DLC1: variants seen among roughly 807,000 people sequenced by gnomAD.
DLC1 encodes rho GTPase-activating protein 7.
In DLC1, 54 loss-of-function variants were observed where a neutral mutation model predicts 140.3. The ratio of observed to expected loss-of-function variants is 0.38; its 90% confidence interval spans 0.31 to 0.48. DLC1 has a LOEUF of 0.48. DLC1 is among the 20% of genes least tolerant of loss of function. DLC1 has a pLI of 0.96. For missense variants in DLC1, 2,536 were observed against 1,907.0 expected, an observed-to-expected ratio of 1.33 and a Z score of -6.14; for synonymous variants, 986 against 728.1, an observed-to-expected ratio of 1.35 and a Z score of -5.70.
intron 2 of DLC1, among the ~76,000 whole-genome samples, chr8:13,443,877 G>T (rs1798658385): frequency 6.6e-6 from 1 of 151,984 alleles, no homozygotes; most frequent in South Asian, 2.1e-4. Flanking sequence ...AACGTCACAT[G>T]TTTGGCGTTT....
chr8:13,441,078 A>G (rs1468543720), intron 2 of DLC1, among the ~76,000 whole-genome samples: 1 of 152,192 alleles, frequency 6.6e-6, no homozygotes, highest in Non-Finnish European at 1.5e-5. Context: ...CTACCAAACT[A>G]CCACTACGAA....
chr8:13,186,276 C>A (rs982674864), intron 5 of DLC1, among the ~76,000 whole-genome samples: 1 of 152,172 alleles, frequency 6.6e-6, no homozygotes, highest in Non-Finnish European at 1.5e-5. Context: ...CCATCACTTT[C>A]GGGTACACCA....
chr8:13,553,426 A>G (rs555497956), intron 1 of DLC1, among the ~76,000 whole-genome samples: 1 of 150,172 alleles, frequency 6.7e-6, no homozygotes, highest in South Asian at 2.1e-4. Flanking sequence ...ATACCAGCAT[A>G]ATGTTTTTTT....
intron 1 of DLC1, among the ~76,000 whole-genome samples, chr8:13,601,815 G>A (rs991920365): frequency 4.6e-5 from 7 of 151,726 alleles, no homozygotes; most frequent in South Asian, 4.2e-4. Flanking sequence ...AACAACAACA[G>A]CAAAACACCC....
At chr8:13,224,075 A>G (rs1418175351) in intron 5 of DLC1, among the ~76,000 whole-genome samples, 1 of 152,222 alleles carries the variant, frequency 6.6e-6, no homozygotes, top group African/African-American at 2.4e-5. Context: ...TGATATCTAC[A>G]CACAAAAACA....
At chr8:13,574,966 G>A (rs1804785305) in intron 1 of DLC1, among the ~76,000 whole-genome samples, 2 of 152,206 alleles carry the variant, frequency 1.3e-5, no homozygotes, top group South Asian at 4.1e-4. Flanking sequence ...GGGAGTAGGT[G>A]TGAGCTCTCC....
At chr8:13,194,743 C>T (rs931012540) in intron 5 of DLC1, among the ~76,000 whole-genome samples, 9 of 152,220 alleles carry the variant, frequency 5.9e-5, no homozygotes, top group Admixed American at 5.2e-4. Flanking sequence ...CATGGAGGCT[C>T]ATGCCTATAA....
At chr8:13,138,481 A>G (rs1455897403) in intron 5 of DLC1, among the ~76,000 whole-genome samples, 2 of 152,192 alleles carry the variant, frequency 1.3e-5, no homozygotes, top group African/African-American at 4.8e-5. Flanking sequence ...ATCTCTTTGG[A>G]AATTGATTTC....
chr8:13,596,085 T>G (rs1272015453), intron 1 of DLC1, among the ~76,000 whole-genome samples: 1 of 152,056 alleles, frequency 6.6e-6, no homozygotes, highest in Non-Finnish European at 1.5e-5. Context: ...TTCAGTTGGA[T>G]TTGTTCTTTT....
chr8:13,420,974 A>G (rs1374762617), intron 2 of DLC1, among the ~76,000 whole-genome samples: 2 of 151,956 alleles, frequency 1.3e-5, no homozygotes, highest in Admixed American at 6.6e-5. Flanking sequence ...CTTTCTCTAA[A>G]CCCCTTACAG....
intron 5 of DLC1, among the ~76,000 whole-genome samples, chr8:13,157,626 CT>C: frequency 6.6e-6 from 1 of 152,232 alleles, no homozygotes; most frequent in East Asian, 1.9e-4. Flanking sequence ...ACAAAAATAA[CT>C]ATATTGTCGG....
chr8:13,540,998 A>G (rs1171216718), intron 1 of DLC1, among the ~76,000 whole-genome samples: 6 of 152,238 alleles, frequency 3.9e-5, no homozygotes, highest in African/African-American at 9.6e-5. Flanking sequence ...CTTTGCTATC[A>G]TAGGAACTAT....
intron 1 of DLC1, among the ~76,000 whole-genome samples, chr8:13,537,131 A>G (rs1180535176): frequency 6.6e-6 from 1 of 152,174 alleles, no homozygotes; most frequent in Non-Finnish European, 1.5e-5. Flanking sequence ...ACATTAAAAA[A>G]AAACCACTAG....
intron 4 of DLC1, among the ~76,000 whole-genome samples, chr8:13,359,558 G>A (rs953536454): frequency 2.6e-5 from 4 of 152,060 alleles, no homozygotes; most frequent in Non-Finnish European, 5.9e-5. Flanking sequence ...CAATCTAAAC[G>A]ATGCATTGGA....
intron 5 of DLC1, among the ~76,000 whole-genome samples, chr8:13,278,622 C>A (rs1415121820): frequency 6.6e-6 from 1 of 152,202 alleles, no homozygotes; most frequent in Non-Finnish European, 1.5e-5. Flanking sequence ...AGGCACTGAT[C>A]TCACCTGAGT....
intron 4 of DLC1, among the ~76,000 whole-genome samples, chr8:13,367,017 CT>C (rs1167302257): frequency 1.2e-4 from 18 of 152,168 alleles, no homozygotes; most frequent in Non-Finnish European, 2.5e-4. Context: ...CGAACTTTGC[CT>C]CCTTTCCCTT....
intron 5 of DLC1, among the ~76,000 whole-genome samples, chr8:13,155,129 C>T (rs1824154115): frequency 8.4e-6 from 1 of 118,942 alleles, no homozygotes; most frequent in Non-Finnish European, 1.9e-5. Context: ...ACAACTTGCG[C>T]TGCTTTTTTT....
At chr8:13,585,309 A>G (rs886696041) in intron 1 of DLC1, among the ~76,000 whole-genome samples, 11 of 152,192 alleles carry the variant, frequency 7.2e-5, no homozygotes, top group African/African-American at 2.7e-4. Flanking sequence ...TACACCTGTA[A>G]TCCCAGCACT....
chr8:13,355,409 C>T (rs1834889724), intron 4 of DLC1, among the ~76,000 whole-genome samples: 1 of 152,164 alleles, frequency 6.6e-6, no homozygotes, highest in Non-Finnish European at 1.5e-5. Context: ...ATAACAAGCA[C>T]TACGTGACTA....
Sources: allele counts gnomAD v4.1 joint callset (sites outside exome capture counted in the v4.1 genomes callset), GRCh38; gene constraint gnomAD v4.1.1; transcripts MANE v1.5; gene names NCBI Gene and HGNC (gene_info 2026-07-23, HGNC 2026-07-21).